Variants in CASZ1 observed in about 807,000 individuals in gnomAD.
CASZ1 encodes castor zinc finger 1.
Under a neutral mutation model 135.2 loss-of-function variants are expected in CASZ1, and 28 were observed. The ratio of observed to expected loss-of-function variants is 0.21; its 90% CI spans 0.15 to 0.28. CASZ1 has a LOEUF of 0.28. Ranked by LOEUF, CASZ1 falls within the 10% of genes least tolerant of loss-of-function variation. CASZ1 has a pLI of 1.00. For synonymous variants in CASZ1, 1,068 were observed against 1,073.4 expected, an observed-to-expected ratio of 0.99 and a Z score of 0.10; for missense variants, 2,161 against 2,453.3, an observed-to-expected ratio of 0.88 and a Z score of 2.52.
At chr1:10,653,312 T>A in intron 11 of CASZ1, 65 bp downstream of exon 11, 1 of 1,533,196 alleles carries the variant, frequency 6.5e-7, no homozygotes, top group African/African-American at 1.4e-5. Flanking sequence ...CTCTGCAGCC[T>A]GAGGCCAGGT....
chr1:10,649,872 G>C (rs888483316), intron 13 of CASZ1: 1 of 153,574 alleles, frequency 6.5e-6, no homozygotes, highest in Non-Finnish European at 1.4e-5. Flanking sequence ...GAGAGAGAGG[G>C]AGGGAGGGAG....
In CASZ1 at chr1:10,762,521, T is replaced by A. The variant is rs1640396796; in HGVS notation, c.-233-1664A>T. Among the ~76,000 whole-genome samples the A allele has an allele frequency of 6.6e-6, 1 of 151,874 alleles. No individual in the cohort carries two copies. The highest frequency in any genetic ancestry group is 1.5e-5 in the Non-Finnish European group (1 of 67,972). Reference sequence around the variant, plus strand: ...AACTCCCCTGCCTGTTAGTCCAGAATCCCCCAAAGCCCTGGGCAGCCCGTC... The same window carrying A: ...AACTCCCCTGCCTGTTAGTCCAGAAACCCCCAAAGCCCTGGGCAGCCCGTC... On this transcript the variant is annotated intron_variant, in intron 1 of 20. Coordinates refer to ENST00000377022, the MANE Select transcript of CASZ1 (RefSeq NM_001079843.3). The surrounding 1 kb of genome is among the most constrained non-coding windows in gnomAD (Gnocchi z 4.1).
At chr1:10,690,782 C>A (rs1202777101) in intron 4 of CASZ1, among the ~76,000 whole-genome samples, 1 of 152,230 alleles carries the variant, frequency 6.6e-6, no homozygotes, top group African/African-American at 2.4e-5. Context: ...ACAGCCCCAC[C>A]CCTTTGTCTC....
intron 2 of CASZ1, among the ~76,000 whole-genome samples, chr1:10,732,855 A>G (rs1228129365): frequency 1.3e-5 from 2 of 152,246 alleles, no homozygotes; most frequent in East Asian, 3.9e-4. Flanking sequence ...CTAAGAATTT[A>G]GAGCCGAACA....
At chr1:10,729,527 A>AG (rs1639664742) in intron 2 of CASZ1, among the ~76,000 whole-genome samples, 1 of 152,242 alleles carries the variant, frequency 6.6e-6, no homozygotes. Context: ...CAGCCCCTTC[A>AG]GATGGCAGAA....
chr1:10,770,803 A>T (rs1375316649), intron 1 of CASZ1, among the ~76,000 whole-genome samples: 1 of 152,228 alleles, frequency 6.6e-6, no homozygotes, highest in Non-Finnish European at 1.5e-5. Context: ...GCAGTAGGCC[A>T]GGGGGCCATC....
intron 2 of CASZ1, among the ~76,000 whole-genome samples, chr1:10,712,125 C>A (rs1212255446): frequency 2.0e-5 from 3 of 152,166 alleles, no homozygotes; most frequent in African/African-American, 7.2e-5. Flanking sequence ...GCAGGCAGAT[C>A]ACTTGAGGTC....
Position 10,697,596 on chromosome 1 carries a change from C to A in CASZ1, c.-23-3684G>T, listed in dbSNP as rs566722567. Among the ~76,000 whole-genome samples, 25 of 151,892 alleles carry A rather than the reference C, an allele frequency of 1.6e-4. No homozygotes were observed. The highest frequency in any genetic ancestry group is 5.8e-4 in the African/African-American group (24 of 41,426). ...GCTATCGCTGGTTCCTGTTACCCCC[C>A]CCGCACCCCCAAGTTGCCCACCTAC... is the stretch of plus-strand genomic sequence containing the variant. On this transcript the variant is annotated intron_variant, in intron 3 of 20. Transcript: ENST00000377022. The surrounding 1 kb of genome is among the most constrained non-coding windows in gnomAD (Gnocchi z 4.7).
intron 2 of CASZ1, among the ~76,000 whole-genome samples, chr1:10,722,505 T>C (rs1639517847): frequency 1.3e-5 from 2 of 152,216 alleles, no homozygotes; most frequent in Non-Finnish European, 1.5e-5. Flanking sequence ...AGCTCGAACA[T>C]TCTGGGTGCT....
chr1:10,689,098 G>T (rs1415369933), intron 4 of CASZ1, among the ~76,000 whole-genome samples: 1 of 152,176 alleles, frequency 6.6e-6, no homozygotes, highest in African/African-American at 2.4e-5. Context: ...CTGGGGGCAT[G>T]GGGGGTGGGC....
rs1385555652 is a variant in CASZ1, at chr1:10,794,636, G to T, written c.-234+1928C>A. On this transcript the variant is annotated intron_variant, in intron 1 of 20. Transcript: ENST00000377022. The surrounding 1 kb of genome is among the most constrained non-coding windows in gnomAD (Gnocchi z 5.6). ...GGGCAGAGGAACTTGTGTGGAGGAA[G>T]AGGGGGTCCCCTGCCTCCCTCAGCG... Among the ~76,000 whole-genome samples the T allele has an allele frequency of 6.6e-6, 1 of 152,184 alleles. No individual in the cohort carries two copies. Among genetic ancestry groups the T allele is most frequent in the African/African-American group, 2.4e-5 (1 of 41,446 alleles).
chr1:10,739,140 G>A lies in CASZ1; in HGVS notation c.-77+21561C>T, dbSNP rs1036661329. On this transcript the variant is annotated intron_variant, in intron 2 of 20. Transcript: ENST00000377022. This position sits in a 1 kb window ranked among gnomAD's most constrained non-coding sequence, Gnocchi z 4.8. ...AAGCAACAACAATAACGAGAAACAA[G>A]TCACCCAGGCATCTTGTGGAGGGTG... is the stretch of plus-strand genomic sequence containing the variant. Among the ~76,000 whole-genome samples the A allele has an allele frequency of 6.6e-6, 1 of 152,072 alleles. No homozygotes were observed. The highest frequency in any genetic ancestry group is 1.5e-5 in the Non-Finnish European group (1 of 68,006).
At position 10,653,954 on chromosome 1, in the gene CASZ1, G is replaced by A. The variant is rs1277361031; in HGVS notation, c.2103C>T (p.Gly701=). ...GCAGCGAGGGCGGCAGCCCCAGCGC[G>A]CCCGAGGAGCGGATGTGCCGGCGCT... ...KHERRHIRSS[G]ALGLPPSLLG... Residue 701 remains glycine, a synonymous_variant, in exon 11 of 21, where the codon GGC becomes GGT. Transcript: ENST00000377022. 6 of 1,613,668 alleles carry A rather than the reference G, an allele frequency of 3.7e-6. No individual in the cohort carries two copies. Among genetic ancestry groups the A allele is most frequent in the Middle Eastern group, 1.6e-4 (1 of 6,062 alleles).
intron 10 of CASZ1, 42 bp downstream of exon 10, chr1:10,654,377 C>T (rs769012639): frequency 1.2e-6 from 2 of 1,601,418 alleles, no homozygotes; most frequent in East Asian, 4.5e-5. Flanking sequence ...GCCTTCCCTC[C>T]CCGCTTCTGC....
chr1:10,645,460 G>A (rs961197046), intron 17 of CASZ1, among the ~76,000 whole-genome samples: 1 of 152,168 alleles, frequency 6.6e-6, no homozygotes, highest in African/African-American at 2.4e-5. Context: ...AACCCGGGAG[G>A]CAGAGCTTGC....
rs940139081 is a variant in CASZ1, at chr1:10,697,005, G to A, written c.-23-3093C>T. On this transcript the variant is annotated intron_variant, in intron 3 of 20. Transcript: ENST00000377022. The surrounding 1 kb of genome is among the most constrained non-coding windows in gnomAD (Gnocchi z 4.7). Reference sequence around the variant, plus strand: ...GGGATGGCAGCCAGCAATGGAGGGAGGTGTGGGGATGCCTGGAAAGCCTCC... The same window carrying A: ...GGGATGGCAGCCAGCAATGGAGGGAAGTGTGGGGATGCCTGGAAAGCCTCC... Among the ~76,000 whole-genome samples, 1 of 152,238 alleles carries A rather than the reference G, an allele frequency of 6.6e-6. No individual in the cohort carries two copies. Among genetic ancestry groups the A allele is most frequent in the African/African-American group, 2.4e-5 (1 of 41,456 alleles).
At chr1:10,670,615 G>T (rs1401827845) in intron 4 of CASZ1, among the ~76,000 whole-genome samples, 7 of 152,236 alleles carry the variant, frequency 4.6e-5, no homozygotes, top group Non-Finnish European at 1.0e-4. Flanking sequence ...GGCAGCCCTG[G>T]CTCCTGTGCC....
Position 10,776,705 on chromosome 1 carries a change from T to C in CASZ1, c.-233-15848A>G, listed in dbSNP as rs1156487177. On this transcript the variant is annotated intron_variant, in intron 1 of 20. Transcript: ENST00000377022. The surrounding 1 kb of genome is among the most constrained non-coding windows in gnomAD (Gnocchi z 4.1). The stretch of plus-strand genomic sequence containing the variant: ...AGGTTGTGGGAGAGGGTTGGCTGCA[T>C]GGCACAGCTGCGGACTCCAGACGGT... 6.6e-6 allele frequency among the ~76,000 whole-genome samples: 1 copy of C among 152,156 alleles called. No individual in the cohort carries two copies. Among genetic ancestry groups the C allele is most frequent in the East Asian group, 1.9e-4 (1 of 5,190 alleles).
At position 10,665,647 on chromosome 1, in the gene CASZ1, C is replaced by T. The variant is rs550686183; in HGVS notation, c.17-76G>A. 2.0e-5 allele frequency: 29 copies of T among 1,431,366 alleles called. No individual in the cohort carries two copies. In the African/African-American group the frequency reaches 3.4e-4, roughly 17 times the overall value. 88.7% of individuals were successfully genotyped at this position (1,431,366 alleles called of 1,614,324 possible). A position where few individuals can be genotyped will look rare whatever the true frequency, so the allele number is the denominator to read the frequency against. On this transcript the variant is annotated intron_variant, in intron 4 of 20. Transcript: ENST00000377022. ...CAACCCACCCTCCCGAACAGCCCTGCATCCCCCAAGCTGCAGGCCTCCCCC... is the reference window on the plus strand; with the variant it reads ...CAACCCACCCTCCCGAACAGCCCTGTATCCCCCAAGCTGCAGGCCTCCCCC...
Sources: allele counts gnomAD v4.1 joint callset (sites outside exome capture counted in the v4.1 genomes callset), GRCh38; gene constraint gnomAD v4.1.1; non-coding constraint Gnocchi (gnomAD v3.1); transcripts MANE v1.5; gene names NCBI Gene and HGNC (gene_info 2026-07-23, HGNC 2026-07-21).